TTC13: variants seen among roughly 807,000 people sequenced by gnomAD.
TTC13 encodes the protein tetratricopeptide repeat protein 13.
TTC13 carries 62 observed loss-of-function variants against 120.0 expected under a neutral mutation model. The ratio of observed to expected loss-of-function variants is 0.52; its 90% CI spans 0.42 to 0.64. TTC13 has a LOEUF of 0.64. TTC13 is among the 30% of genes least tolerant of loss of function. The pLI is 0.00. For synonymous variants in TTC13, 384 were observed against 393.5 expected (o/e 0.98, Z 0.28); for missense variants, 824 against 1,050.2 (o/e 0.78, Z 2.98).
At chr1:230,950,419 C>T (rs556014557) in intron 4 of TTC13, among the ~76,000 whole-genome samples, 21 of 148,984 alleles carry the variant, frequency 1.4e-4, no homozygotes, top group African/African-American at 4.9e-4. Context: ...ACTTAGATGT[C>T]TCAATTCGCA....
intron 8 of TTC13, among the ~76,000 whole-genome samples, chr1:230,938,385 C>A (rs554657044): frequency 6.6e-6 from 1 of 152,282 alleles, no homozygotes; most frequent in Non-Finnish European, 1.5e-5. Context: ...AGGTTCCAGG[C>A]CCCCGGCTCC....
At chr1:230,946,080 C>T (rs768721883) in intron 4 of TTC13, among the ~76,000 whole-genome samples, 7 of 152,176 alleles carry the variant, frequency 4.6e-5, no homozygotes, top group Non-Finnish European at 1.0e-4. Context: ...TCTATCAGGA[C>T]CAAGGACAAA....
At chr1:230,960,051 A>G (rs910989131) in intron 2 of TTC13, among the ~76,000 whole-genome samples, 1 of 152,198 alleles carries the variant, frequency 6.6e-6, no homozygotes, top group African/African-American at 2.4e-5. Context: ...CACCTAGTAC[A>G]ATGCCTGGTA....
At position 230,978,705 on chromosome 1, in the gene TTC13, G is replaced by T. The variant is rs1176923594; in HGVS notation, c.126C>A (p.Gly42=). The change falls in exon 1 of 23, where the codon GGC becomes GGA. Residue 42 remains glycine, a synonymous_variant. Coordinates refer to ENST00000366661, the MANE Select transcript of TTC13 (RefSeq NM_024525.5). The surrounding 1 kb of genome is among the most constrained non-coding windows in gnomAD (Gnocchi z 5.6). ...LGVLSAGLRP[G]ALATEHYSPL... is the part of the protein sequence containing the mutation. The stretch of plus-strand genomic sequence containing the variant: ...GCGAGTAGTGCTCGGTGGCCAGGGC[G>T]CCTGGCCGCAGCCCGGCGGACAGGA... 17 of 1,490,542 alleles carry T rather than the reference G, an allele frequency of 1.1e-5. No homozygotes were observed. The highest frequency in any genetic ancestry group is 2.3e-4 in the Middle Eastern group (1 of 4,274). 92.3% of individuals were successfully genotyped at this position (1,490,542 alleles called of 1,614,324 possible). A position where few individuals can be genotyped will look rare whatever the true frequency, so the allele number is the denominator to read the frequency against.
intron 21 of TTC13, 37 bp downstream of exon 21, chr1:230,908,905 C>A (rs1392487707): frequency 3.1e-6 from 5 of 1,611,840 alleles, no homozygotes; most frequent in Non-Finnish European, 4.2e-6. Flanking sequence ...GGACTTAATA[C>A]ATAACCAAGC....
At chr1:230,908,468 G>A in intron 22 of TTC13, 1 of 539,570 alleles carries the variant, frequency 1.9e-6, no homozygotes, top group Non-Finnish European at 3.4e-6. Context: ...GGGATTACAG[G>A]TATGAGCTAC....
intron 2 of TTC13, among the ~76,000 whole-genome samples, chr1:230,960,475 T>C (rs2102963424): frequency 6.6e-6 from 1 of 152,246 alleles, no homozygotes; most frequent in East Asian, 1.9e-4. Context: ...ATCAAGTTGA[T>C]TACTATGCAG....
In TTC13 at chr1:230,929,777, G is replaced by A. The variant is rs542038422; in HGVS notation, c.1301-684C>T. On this transcript the variant is annotated intron_variant, in intron 11 of 22. Transcript: ENST00000366661. ...ATATAATTTCACCAACCGACTAATG[G>A]ACTGCTGCTTATCTCTATGAAAGCA... 3.7e-4 allele frequency among the ~76,000 whole-genome samples: 56 copies of A among 152,258 alleles called. No individual in the cohort carries two copies. In the Middle Eastern group the frequency reaches 0.01, roughly 28 times the overall value.
intron 12 of TTC13, among the ~76,000 whole-genome samples, chr1:230,926,053 T>C (rs984876029): frequency 1.3e-5 from 2 of 152,102 alleles, no homozygotes; most frequent in African/African-American, 4.8e-5. Flanking sequence ...GAATGATACA[T>C]TGAAATACTA....
chr1:230,932,069 C>G (rs1361681495), intron 9 of TTC13, among the ~76,000 whole-genome samples, 192 bp from the exon 10 acceptor site: 1 of 152,104 alleles, frequency 6.6e-6, no homozygotes, highest in Non-Finnish European at 1.5e-5. Context: ...ATAGGATAAC[C>G]ACAGAGCTCT....
In TTC13 at chr1:230,912,063, A is replaced by G. The variant is rs79866698; in HGVS notation, c.2230-514T>C. On this transcript the variant is annotated intron_variant, in intron 19 of 22. Coordinates refer to ENST00000366661, the MANE Select transcript of TTC13 (RefSeq NM_024525.5). ...TTTCAAGGGTAAGGGGCACCCGTCC[A>G]CTGCAGAACACAGAGAAGGGGCGTG... 1.7e-3 allele frequency among the ~76,000 whole-genome samples: 260 copies of G among 152,316 alleles called. 3 individuals carry two copies. The East Asian group carries it at 0.036, about 21-fold the overall frequency.
At chr1:230,932,015 C>T in intron 9 of TTC13, 138 bp from the exon 10 acceptor site, 2 of 723,522 alleles carry the variant, frequency 2.8e-6, no homozygotes, top group East Asian at 2.7e-5. Flanking sequence ...TTTTTATAGC[C>T]TCTGACACAT....
chr1:230,952,675 T>C (rs1396105358), intron 4 of TTC13, among the ~76,000 whole-genome samples: 2 of 152,054 alleles, frequency 1.3e-5, no homozygotes, highest in African/African-American at 4.8e-5. Context: ...CAACTATAAA[T>C]GGACAAAACA....
At chr1:230,930,242 A>C (rs1222703374) in intron 11 of TTC13, among the ~76,000 whole-genome samples, 1 of 152,246 alleles carries the variant, frequency 6.6e-6, no homozygotes, top group Non-Finnish European at 1.5e-5. Context: ...TCTAATGAAT[A>C]GCAGCTTCAT....
intron 1 of TTC13, among the ~76,000 whole-genome samples, chr1:230,971,345 C>CAA (rs11453211): frequency 0.34 from 27,650 of 80,258 alleles, 5,168 homozygotes; most frequent in East Asian, 0.55. Context: ...GACTCCATCT[C>CAA]AAAAAAAAAA....
chr1:230,946,759 C>A lies in TTC13; in HGVS notation c.514-1305G>T, dbSNP rs190552068. On this transcript the variant is annotated intron_variant, in intron 4 of 22. Transcript: ENST00000366661. ...TCACCACAGGGCCTACCCATCACAGCCACACTGCACCAACTTTCTTTACTC... is the reference window on the plus strand; with the variant it reads ...TCACCACAGGGCCTACCCATCACAGACACACTGCACCAACTTTCTTTACTC... 1.3e-3 allele frequency among the ~76,000 whole-genome samples: 202 copies of A among 152,284 alleles called. 1 individual carries two copies. The highest frequency in any genetic ancestry group is 4.5e-3 in the African/African-American group (185 of 41,554).
chr1:230,949,178 T>C (rs1675295775), intron 4 of TTC13, among the ~76,000 whole-genome samples: 1 of 151,758 alleles, frequency 6.6e-6, no homozygotes, highest in South Asian at 2.1e-4. Flanking sequence ...AGACAAAGAT[T>C]TGCCTATCAG....
At chr1:230,909,595 G>A (rs996390527) in intron 20 of TTC13, among the ~76,000 whole-genome samples, 12 of 152,182 alleles carry the variant, frequency 7.9e-5, no homozygotes, top group Non-Finnish European at 1.2e-4. Context: ...TCGCTCCACC[G>A]CACTCCAGCA....
chr1:230,970,697 C>T (rs565494790), intron 1 of TTC13, among the ~76,000 whole-genome samples: 4 of 152,334 alleles, frequency 2.6e-5, no homozygotes, highest in East Asian at 3.9e-4. Flanking sequence ...GCATGTATTT[C>T]TCACACATCC....
Sources: gnomAD v4.1 joint callset for allele counts (sites outside exome capture counted in the v4.1 genomes callset) on GRCh38, gnomAD v4.1.1 for gene constraint, Gnocchi (gnomAD v3.1) non-coding constraint, MANE v1.5 for transcripts, NCBI Gene and HGNC (gene_info 2026-07-23, HGNC 2026-07-21) for gene names.